The following ATXN2 variants were observed in gnomAD, a reference collection of about 807,000 sequenced individuals.
ATXN2 encodes the protein ataxin-2.
Under a neutral mutation model 138.6 loss-of-function variants are expected in ATXN2, and 37 were observed. That is an observed-to-expected ratio of 0.27 (90% confidence interval 0.21 to 0.35). The LOEUF is 0.35. Ranked by LOEUF, ATXN2 falls within the 10% of genes least tolerant of loss-of-function variation. ATXN2 has a pLI of 1.00. For synonymous variants in ATXN2, 549 were observed against 543.7 expected (o/e 1.01, Z -0.13); for missense variants, 1,216 against 1,480.3 (o/e 0.82, Z 2.93).
At chr12:111,458,430 T>C (rs1261922445) in intron 21 of ATXN2, 2 of 152,206 alleles carry the variant, frequency 1.3e-5, no homozygotes, top group Non-Finnish European at 2.9e-5. Context: ...GCCTGGCCTG[T>C]TCATGTGCTT....
At chr12:111,533,590 A>G (rs1027792353) in intron 5 of ATXN2, among the ~76,000 whole-genome samples, 3 of 151,966 alleles carry the variant, frequency 2.0e-5, no homozygotes, top group Non-Finnish European at 4.4e-5. Flanking sequence ...CAGTGACACA[A>G]TCTCAGCTCA....
chr12:111,514,841 C>T (rs1263152582), intron 10 of ATXN2, among the ~76,000 whole-genome samples: 2 of 152,138 alleles, frequency 1.3e-5, no homozygotes, highest in African/African-American at 4.8e-5. Context: ...TAATGTTATA[C>T]ACTATAATTT....
chr12:111,586,645 C>G (rs2135841340), intron 1 of ATXN2, among the ~76,000 whole-genome samples: 1 of 152,084 alleles, frequency 6.6e-6, no homozygotes, highest in East Asian at 1.9e-4. Context: ...CTCAACCTCC[C>G]AAAGTGCTGG....
chr12:111,480,898 A>G (rs891762835), intron 18 of ATXN2, among the ~76,000 whole-genome samples: 1 of 152,230 alleles, frequency 6.6e-6, no homozygotes, highest in Non-Finnish European at 1.5e-5. Flanking sequence ...TGAGTTAGGC[A>G]ATGCTTTGTC....
chr12:111,478,168 A>G (rs1211529937), intron 18 of ATXN2, among the ~76,000 whole-genome samples: 1 of 151,302 alleles, frequency 6.6e-6, no homozygotes, highest in Admixed American at 6.6e-5. Context: ...GCACTTTGGG[A>G]GGCCGAGGCA....
intron 1 of ATXN2, among the ~76,000 whole-genome samples, chr12:111,589,412 T>C (rs1884531988): frequency 6.6e-6 from 1 of 151,924 alleles, no homozygotes; most frequent in Non-Finnish European, 1.5e-5. Context: ...GAGGGCAAAT[T>C]GTTTGAGGTC....
chr12:111,508,441 C>CTTTTTTTTTTTTTTTTTTTT (rs66643315), intron 14 of ATXN2, among the ~76,000 whole-genome samples: 2 of 85,656 alleles, frequency 2.3e-5, no homozygotes, highest in East Asian at 4.5e-4. Context: ...AATTGAAAAA[C>CTTTTTTTTTTTTTTTTTTTT]TTTTTTTTTT....
At chr12:111,481,552 A>G (rs942160663) in intron 18 of ATXN2, among the ~76,000 whole-genome samples, 1 of 152,222 alleles carries the variant, frequency 6.6e-6, no homozygotes, top group Non-Finnish European at 1.5e-5. Flanking sequence ...ACACTTGTAC[A>G]TTACTGGTAG....
At chr12:111,578,388 C>G (rs1883799824) in intron 1 of ATXN2, among the ~76,000 whole-genome samples, 1 of 152,104 alleles carries the variant, frequency 6.6e-6, no homozygotes, top group Admixed American at 6.6e-5. Flanking sequence ...CCACTTTTAT[C>G]TTTTACGCTG....
rs1031922360 is a variant in ATXN2 at position 111,554,249 on chromosome 12, A to C, written c.289-32T>G. On this transcript the variant is annotated intron_variant, in intron 2 of 24. Transcript: ENST00000673436. The stretch of plus-strand genomic sequence containing the variant: ...TATTAAAAAAAAAAAAAACTATTAG[A>C]AATTAGTACAAACTGAATCTTCCTC... 3.9e-6 allele frequency: 5 copies of C among 1,293,252 alleles called. No homozygotes were observed. In the African/African-American group the frequency reaches 7.7e-5, roughly 20 times the overall value. The allele number at this position is 1,293,252 out of a possible 1,614,324, so 80.1% of individuals were successfully genotyped here.
chr12:111,597,729 A>T (rs1233847406), intron 1 of ATXN2: 2 of 667,560 alleles, frequency 3.0e-6, no homozygotes, highest in African/African-American at 3.7e-5. Flanking sequence ...GGAGGGAAAA[A>T]GACGCTAGTA....
chr12:111,452,707 A>AT lies in ATXN2; in HGVS notation c.*104dup. 7.8e-7 allele frequency: 1 copy of AT among 1,278,464 alleles called. No homozygotes were observed. The highest frequency in any genetic ancestry group is 1.1e-6 in the Non-Finnish European group (1 of 878,752). 79.2% of individuals were successfully genotyped at this position (1,278,464 alleles called of 1,614,324 possible). On this transcript the variant is annotated 3_prime_UTR_variant, in exon 25 of 25. Transcript: ENST00000673436. ...GATGTTACAAGAAATCAACATATAT[A>AT]TTTTAAAAACAAAATAAATGAAATT...
chr12:111,524,823 C>T (rs1312434195), intron 6 of ATXN2, among the ~76,000 whole-genome samples: 1 of 152,158 alleles, frequency 6.6e-6, no homozygotes, highest in African/African-American at 2.4e-5. Flanking sequence ...TAGGTGAAGT[C>T]AACAATTAAG....
At chr12:111,582,088 C>T (rs1656020180) in intron 1 of ATXN2, among the ~76,000 whole-genome samples, 1 of 152,060 alleles carries the variant, frequency 6.6e-6, no homozygotes, top group South Asian at 2.1e-4. Flanking sequence ...AATTTCAATA[C>T]TTTGGGAGGC....
intron 14 of ATXN2, among the ~76,000 whole-genome samples, chr12:111,503,308 C>G (rs1878897471): frequency 6.6e-6 from 1 of 152,218 alleles, no homozygotes. Context: ...AGCTTAAACA[C>G]CAGATGGTCA....
At position 111,456,057 on chromosome 12, in the gene ATXN2, T is replaced by G. The variant is rs769865430; in HGVS notation, c.3242A>C (p.Asn1081Thr). Residue 1081 changes from asparagine (N) to threonine (T), a missense_variant, in exon 23 of 25, where the codon AAC (asparagine) becomes ACC (threonine). Asn to Thr is a moderately conservative substitution (Grantham distance 65, BLOSUM62 0). This residue lies in a region of ATXN2 where 490 missense variants were observed against 653.5 expected (regional missense o/e 0.75). Coordinates refer to ENST00000673436, the MANE Select transcript of ATXN2 (RefSeq NM_001372574.1). ...AGGTACGTGGGCCATGTGGGGTGGG[T>G]TGGTATACGCCGGCTGAACGTGAGA... ...HPSHVQPAYTNPPHMAHVPQA... is the reference protein window; with the variant it reads ...HPSHVQPAYTTPPHMAHVPQA... 1 of 1,614,088 alleles carries G rather than the reference T, an allele frequency of 6.2e-7. No homozygotes were observed. The highest frequency in any genetic ancestry group is 1.3e-5 in the African/African-American group (1 of 74,998).
At chr12:111,479,919 G>T (rs530287754) in intron 18 of ATXN2, among the ~76,000 whole-genome samples, 1 of 150,498 alleles carries the variant, frequency 6.6e-6, no homozygotes, top group South Asian at 2.1e-4. Flanking sequence ...TAGCACTCTG[G>T]GAGGCTGAGG....
intron 15 of ATXN2, 109 bp downstream of exon 15, chr12:111,488,367 G>T: frequency 8.7e-7 from 1 of 1,151,304 alleles, no homozygotes; most frequent in Non-Finnish European, 1.2e-6. Flanking sequence ...AATGTATAAA[G>T]TAGTCTAAAA....
intron 18 of ATXN2, among the ~76,000 whole-genome samples, chr12:111,478,290 C>T (rs535837005): frequency 2.5e-4 from 38 of 152,230 alleles, no homozygotes; most frequent in African/African-American, 9.1e-4. Context: ...CCTGTAATCC[C>T]AGCTACTTGG....
Sources: gnomAD v4.1 joint callset for allele counts (sites outside exome capture counted in the v4.1 genomes callset) on GRCh38, gnomAD v4.1.1 for gene constraint, gnomAD v4.1.1 regional missense constraint, MANE v1.5 for transcripts, NCBI Gene and HGNC (gene_info 2026-07-23, HGNC 2026-07-21) for gene names.